Variants in MMP16 observed in about 807,000 individuals in gnomAD.
MMP16 encodes the protein matrix metallopeptidase 16, also known as matrix metalloproteinase-16.
Under a neutral mutation model 67.8 loss-of-function variants are expected in MMP16, and 12 were observed. The observed-to-expected ratio is 0.18, with a 90% CI of 0.11 to 0.29. The LOEUF (loss-of-function observed/expected upper bound fraction) is 0.29. MMP16 is among the 10% of genes least tolerant of loss of function. The pLI, the probability that MMP16 is intolerant of heterozygous loss-of-function variation, is 1.00. For synonymous variants in MMP16, 249 were observed against 255.9 expected, an observed-to-expected ratio of 0.97 and a Z score of 0.26; for missense variants, 475 against 765.7, an observed-to-expected ratio of 0.62 and a Z score of 4.48.
At chr8:88,061,161 CACACACACA>C (rs1563520432) in intron 7 of MMP16, among the ~76,000 whole-genome samples, 6 of 141,212 alleles carry the variant, frequency 4.2e-5, no homozygotes, top group Non-Finnish European at 8.1e-5. Flanking sequence ...CACACACACA[CACACACACA>C]CCCCTCATCC....
chr8:88,214,566 T>C (rs1051693734), intron 1 of MMP16, among the ~76,000 whole-genome samples: 7 of 152,172 alleles, frequency 4.6e-5, no homozygotes, highest in African/African-American at 1.7e-4. Context: ...TTGAAGTAAG[T>C]ATATATATGG....
intron 2 of MMP16, among the ~76,000 whole-genome samples, chr8:88,188,912 C>T (rs1054719711): frequency 6.6e-6 from 1 of 152,142 alleles, no homozygotes; most frequent in African/African-American, 2.4e-5. Flanking sequence ...GCCTCGGCCT[C>T]CCAAAGTGCT....
intron 1 of MMP16, among the ~76,000 whole-genome samples, chr8:88,287,407 C>T (rs2130008715): frequency 6.6e-6 from 1 of 152,310 alleles, no homozygotes; most frequent in East Asian, 1.9e-4. Context: ...TTAGGAGAAA[C>T]TTGCCACTGC....
intron 1 of MMP16, among the ~76,000 whole-genome samples, chr8:88,313,294 C>G (rs180794159): frequency 4.2e-4 from 64 of 152,220 alleles, no homozygotes; most frequent in Admixed American, 8.5e-4. Context: ...CTGAAATATT[C>G]TTTATTTTGC....
chr8:88,184,849 G>A (rs1355351535), intron 3 of MMP16, among the ~76,000 whole-genome samples: 1 of 150,464 alleles, frequency 6.6e-6, no homozygotes, highest in Admixed American at 6.6e-5. Flanking sequence ...ATAGAAAAAG[G>A]GTCACCAGAC....
chr8:88,182,336 T>A (rs1027630201), intron 3 of MMP16, among the ~76,000 whole-genome samples: 2 of 152,016 alleles, frequency 1.3e-5, no homozygotes, highest in African/African-American at 4.8e-5. Flanking sequence ...AACAGACACC[T>A]CGCCAAAGAA....
rs1808017338 is a variant in MMP16, at chr8:88,033,848, A to G, written c.*7613T>C. ...TATCTCTCTTTCTAATATATATGTAATTTACACTTACAGAGAAATAGACCA... is the reference window on the plus strand; with the variant it reads ...TATCTCTCTTTCTAATATATATGTAGTTTACACTTACAGAGAAATAGACCA... On this transcript the variant is annotated 3_prime_UTR_variant, in exon 10 of 10. Coordinates refer to ENST00000286614, the MANE Select transcript of MMP16 (RefSeq NM_005941.5). The G allele has an allele frequency of 1.3e-5, 2 of 152,058 alleles. No homozygotes were observed. The highest frequency in any genetic ancestry group is 1.3e-4 in the Admixed American group (2 of 15,236). The allele number at this position is 152,058 out of a possible 1,614,324, so 9.4% of individuals were successfully genotyped here.
At chr8:88,051,619 C>A (rs1306059312) in intron 8 of MMP16, among the ~76,000 whole-genome samples, 1 of 152,048 alleles carries the variant, frequency 6.6e-6, no homozygotes, top group Non-Finnish European at 1.5e-5. Flanking sequence ...TTGAACGACT[C>A]AAAAACATAT....
rs1007140060 is a variant in MMP16, at chr8:88,039,440, GT to G, written c.*2020del. 1.3e-5 allele frequency: 2 copies of G among 152,480 alleles called. No individual in the cohort carries two copies. The highest frequency in any genetic ancestry group is 4.8e-5 in the African/African-American group (2 of 41,420). 9.4% of individuals were successfully genotyped at this position (152,480 alleles called of 1,614,324 possible). A position where few individuals can be genotyped will look rare whatever the true frequency, so the allele number is the denominator to read the frequency against. Reference sequence around the variant, plus strand: ...TAAGGAAACAGCTCATGCTTACTAGGTTTTAGAGAACAACTAATCCAATGGA... The same window carrying G: ...TAAGGAAACAGCTCATGCTTACTAGGTTTAGAGAACAACTAATCCAATGGA... On this transcript the variant is annotated 3_prime_UTR_variant, in exon 10 of 10. Coordinates refer to ENST00000286614, the MANE Select transcript of MMP16 (RefSeq NM_005941.5). The surrounding 1 kb of genome is among the most constrained non-coding windows in gnomAD (Gnocchi z 4.5).
At position 88,239,982 on chromosome 8, in the gene MMP16, C is replaced by A. The variant is rs561833688; in HGVS notation, c.133-42676G>T. ...GATGACCTACATACATACCCTTTAG[C>A]CTTTAATGCTGCCGGCCTTGAGGTC... On this transcript the variant is annotated intron_variant, in intron 1 of 9. Coordinates refer to ENST00000286614, the MANE Select transcript of MMP16 (RefSeq NM_005941.5). Among the ~76,000 whole-genome samples, 36 of 152,312 alleles carry A rather than the reference C, an allele frequency of 2.4e-4. No individual in the cohort carries two copies. In the East Asian group the frequency reaches 6.6e-3, roughly 28 times the overall value.
rs367594048 is a variant in MMP16 at position 88,062,459 on chromosome 8, A to C, written c.1223-6181T>G. On this transcript the variant is annotated intron_variant, in intron 7 of 9. Coordinates refer to ENST00000286614, the MANE Select transcript of MMP16 (RefSeq NM_005941.5). ...TAAGAAAATGTGGCACATATACACC[A>C]TGGAATACTATGCAGCCATAAAAAA... 7.2e-5 allele frequency among the ~76,000 whole-genome samples: 11 copies of C among 152,262 alleles called. No individual in the cohort carries two copies. The South Asian group carries it at 1.4e-3, about 20-fold the overall frequency.
At position 88,033,449 on chromosome 8, in the gene MMP16, A is replaced by C. The variant is rs1808011778; in HGVS notation, c.*8012T>G. 6.6e-6 allele frequency: 1 copy of C among 151,824 alleles called. No individual in the cohort carries two copies. Among genetic ancestry groups the C allele is most frequent in the Non-Finnish European group, 1.5e-5 (1 of 67,888 alleles). The allele number at this position is 151,824 out of a possible 1,614,324, so 9.4% of individuals were successfully genotyped here. On this transcript the variant is annotated 3_prime_UTR_variant, in exon 10 of 10. Coordinates refer to ENST00000286614, the MANE Select transcript of MMP16 (RefSeq NM_005941.5). The stretch of plus-strand genomic sequence containing the variant: ...GTATACACGTTTTAAAATATCTTAA[A>C]GATAGGTTACTATACTGATGAAGCA...
chr8:88,122,420 T>C (rs1369650632), intron 4 of MMP16, among the ~76,000 whole-genome samples: 3 of 152,054 alleles, frequency 2.0e-5, no homozygotes, highest in African/African-American at 4.8e-5. Flanking sequence ...GCCTTTCATA[T>C]ATAACTTGAT....
chr8:88,287,577 C>T (rs1033448635), intron 1 of MMP16, among the ~76,000 whole-genome samples: 1 of 152,156 alleles, frequency 6.6e-6, no homozygotes, highest in Non-Finnish European at 1.5e-5. Flanking sequence ...ACATCCCCTC[C>T]ACCTAATATA....
intron 4 of MMP16, among the ~76,000 whole-genome samples, chr8:88,119,574 T>C (rs1331545900): frequency 3.9e-5 from 6 of 152,062 alleles, no homozygotes; most frequent in African/African-American, 1.2e-4. Flanking sequence ...TGTGGTAAAC[T>C]TGTACAGTGA....
chr8:88,283,802 ACT>A lies in MMP16; in HGVS notation c.132+43271_132+43272del, dbSNP rs552482852. Among the ~76,000 whole-genome samples, 222 of 152,262 alleles carry A rather than the reference ACT, an allele frequency of 1.5e-3. 1 individual carries two copies. The highest frequency in any genetic ancestry group is 2.6e-3 in the Non-Finnish European group (177 of 68,018). ...AATTTACTCATATTCCCATAAATGT[ACT>A]GTTTGGATATATTTTCTTCTGCTAA... On this transcript the variant is annotated intron_variant, in intron 1 of 9. Coordinates refer to ENST00000286614, the MANE Select transcript of MMP16 (RefSeq NM_005941.5).
At chr8:88,201,144 C>A (rs920288818) in intron 1 of MMP16, among the ~76,000 whole-genome samples, 2,088 of 108,852 alleles carry the variant, frequency 0.019, 17 homozygotes, top group Non-Finnish European at 0.027. Context: ...TTTCCCCCCC[C>A]AAAAAAAAAA....
At chr8:88,180,531 G>C (rs1257543128) in intron 3 of MMP16, among the ~76,000 whole-genome samples, 1 of 151,576 alleles carries the variant, frequency 6.6e-6, no homozygotes, top group Non-Finnish European at 1.5e-5. Flanking sequence ...AAAATTATTG[G>C]GGATAAAGAG....
chr8:88,074,532 T>C lies in MMP16; in HGVS notation c.1222+73A>G, dbSNP rs1278286132. On this transcript the variant is annotated intron_variant, in intron 7 of 9. Transcript: ENST00000286614. Reference sequence around the variant, plus strand: ...AGGCTATGTAATCTCATTTCATCACTTTTGTGTGCACCACAGGGTCCTATA... The same window carrying C: ...AGGCTATGTAATCTCATTTCATCACCTTTGTGTGCACCACAGGGTCCTATA... The C allele has an allele frequency of 4.3e-6, 6 of 1,393,428 alleles. No homozygotes were observed. In the African/African-American group the frequency reaches 8.7e-5, roughly 20 times the overall value. 86.3% of individuals were successfully genotyped at this position (1,393,428 alleles called of 1,614,324 possible).
Sources: allele counts gnomAD v4.1 joint callset (sites outside exome capture counted in the v4.1 genomes callset), GRCh38; gene constraint gnomAD v4.1.1; non-coding constraint Gnocchi (gnomAD v3.1); transcripts MANE v1.5; gene names NCBI Gene and HGNC (gene_info 2026-07-23, HGNC 2026-07-21).